EFNA5: variants seen among roughly 807,000 people sequenced by gnomAD.
EFNA5 encodes ephrin A5.
EFNA5 carries 5 observed loss-of-function variants against 22.9 expected under a neutral mutation model. That is an observed-to-expected ratio of 0.22 (90% CI 0.11 to 0.46). EFNA5 has a LOEUF of 0.46. Among genes scored for constraint, EFNA5 ranks in the 20% least tolerant of loss-of-function variants. The pLI is 0.99. For missense variants in EFNA5, 237 were observed against 293.3 expected (o/e 0.81, Z 1.40); for synonymous variants, 113 against 112.2 (o/e 1.01, Z -0.04).
At chr5:107,423,535 T>G (rs1033749985) in intron 2 of EFNA5, among the ~76,000 whole-genome samples, 4 of 152,060 alleles carry the variant, frequency 2.6e-5, no homozygotes, top group Non-Finnish European at 5.9e-5. Flanking sequence ...TGCTACCATA[T>G]CCAGCTAAAA....
At chr5:107,637,496 C>CTGTG (rs61667880) in intron 1 of EFNA5, among the ~76,000 whole-genome samples, 1 of 148,176 alleles carries the variant, frequency 6.7e-6, no homozygotes, top group Non-Finnish European at 1.5e-5. Context: ...CAGCAAGGCA[C>CTGTG]TGTGTGTGTG....
intron 2 of EFNA5, among the ~76,000 whole-genome samples, chr5:107,391,794 C>G (rs957118565): frequency 6.6e-6 from 1 of 152,176 alleles, no homozygotes; most frequent in Non-Finnish European, 1.5e-5. Context: ...TGAGCTGCAA[C>G]GTACCAATCA....
intron 2 of EFNA5, among the ~76,000 whole-genome samples, chr5:107,390,556 G>A (rs1747764454): frequency 6.6e-6 from 1 of 152,038 alleles, no homozygotes; most frequent in Non-Finnish European, 1.5e-5. Flanking sequence ...AAATGAGGGA[G>A]TAAAATCTTA....
At chr5:107,587,299 G>T (rs951881318) in intron 1 of EFNA5, among the ~76,000 whole-genome samples, 1 of 152,096 alleles carries the variant, frequency 6.6e-6, no homozygotes, top group Middle Eastern at 3.4e-3. Context: ...GAAGCCTCTT[G>T]GCCTCCAAAG....
intron 1 of EFNA5, among the ~76,000 whole-genome samples, chr5:107,442,989 A>T (rs1749297827): frequency 6.6e-6 from 1 of 151,110 alleles, no homozygotes; most frequent in African/African-American, 2.4e-5. Flanking sequence ...AAAAGTACCT[A>T]CCTCAAACCA....
chr5:107,589,963 T>C (rs1369583872), intron 1 of EFNA5, among the ~76,000 whole-genome samples: 2 of 152,196 alleles, frequency 1.3e-5, no homozygotes, highest in African/African-American at 4.8e-5. Flanking sequence ...CAAGAATGAA[T>C]AGCTATATTC....
At chr5:107,397,367 GGT>G (rs1747955977) in intron 2 of EFNA5, among the ~76,000 whole-genome samples, 6 of 152,220 alleles carry the variant, frequency 3.9e-5, no homozygotes, top group Admixed American at 2.6e-4. Context: ...TTGCCAAGAT[GGT>G]GAAATCCCAC....
chr5:107,496,578 C>T (rs1746991907), intron 1 of EFNA5, among the ~76,000 whole-genome samples: 1 of 152,202 alleles, frequency 6.6e-6, no homozygotes, highest in Non-Finnish European at 1.5e-5. Context: ...CCTTCCTGCT[C>T]TCACTGACAC....
intron 1 of EFNA5, among the ~76,000 whole-genome samples, chr5:107,659,273 T>C (rs1750892668): frequency 6.6e-6 from 1 of 152,088 alleles, no homozygotes; most frequent in Non-Finnish European, 1.5e-5. Context: ...TTGGCTTTGG[T>C]TTTAGATACA....
chr5:107,516,630 T>C (rs1435634962), intron 1 of EFNA5, among the ~76,000 whole-genome samples: 2 of 152,218 alleles, frequency 1.3e-5, no homozygotes, highest in South Asian at 2.1e-4. Flanking sequence ...ATGCTTTAAA[T>C]ACCATGAAGC....
intron 4 of EFNA5, among the ~76,000 whole-genome samples, chr5:107,382,771 G>A (rs1374391743): frequency 6.6e-6 from 1 of 152,150 alleles, no homozygotes; most frequent in Non-Finnish European, 1.5e-5. Context: ...CTTCCTGCAG[G>A]TGTTCAGCAG....
At chr5:107,512,221 G>A (rs1747386111) in intron 1 of EFNA5, among the ~76,000 whole-genome samples, 1 of 152,178 alleles carries the variant, frequency 6.6e-6, no homozygotes, top group Non-Finnish European at 1.5e-5. Context: ...CATCTCTGTT[G>A]TAGTTGAAGA....
intron 1 of EFNA5, among the ~76,000 whole-genome samples, chr5:107,465,517 A>G (rs1191016255): frequency 2.6e-5 from 4 of 152,202 alleles, no homozygotes; most frequent in Non-Finnish European, 4.4e-5. Context: ...AGCATGAGCC[A>G]ATATGACAGC....
At chr5:107,553,283 C>A (rs1240292152) in intron 1 of EFNA5, among the ~76,000 whole-genome samples, 1 of 152,170 alleles carries the variant, frequency 6.6e-6, no homozygotes, top group Non-Finnish European at 1.5e-5. Context: ...TCCCCAGTGA[C>A]CCTGCCATGG....
At chr5:107,645,874 C>T (rs758242356) in intron 1 of EFNA5, among the ~76,000 whole-genome samples, 70 of 152,128 alleles carry the variant, frequency 4.6e-4, no homozygotes, top group Non-Finnish European at 8.2e-4. Flanking sequence ...CTCATTTGAC[C>T]ACATATTCCC....
At chr5:107,494,349 C>T (rs1445309953) in intron 1 of EFNA5, among the ~76,000 whole-genome samples, 1 of 152,212 alleles carries the variant, frequency 6.6e-6, no homozygotes, top group Non-Finnish European at 1.5e-5. Flanking sequence ...AGCAGCCGGC[C>T]GGCCCTGCCG....
intron 1 of EFNA5, among the ~76,000 whole-genome samples, chr5:107,444,937 G>C (rs892915368): frequency 6.6e-6 from 1 of 152,060 alleles, no homozygotes; most frequent in African/African-American, 2.4e-5. Flanking sequence ...TCTGATTTTA[G>C]TTCCAGGAAT....
chr5:107,536,736 T>C (rs759551660), intron 1 of EFNA5, among the ~76,000 whole-genome samples: 3 of 152,138 alleles, frequency 2.0e-5, no homozygotes, highest in Non-Finnish European at 4.4e-5. Flanking sequence ...CTGACAATAA[T>C]TCAAAACACA....
At chr5:107,622,494 AT>A (rs1183754360) in intron 1 of EFNA5, among the ~76,000 whole-genome samples, 2 of 152,172 alleles carry the variant, frequency 1.3e-5, no homozygotes, top group African/African-American at 4.8e-5. Context: ...TTAGTATCTT[AT>A]TCTATCAAGA....
Sources: allele counts gnomAD v4.1 joint callset (sites outside exome capture counted in the v4.1 genomes callset), GRCh38; gene constraint gnomAD v4.1.1; transcripts MANE v1.5; gene names NCBI Gene and HGNC (gene_info 2026-07-23, HGNC 2026-07-21).